The following MAGI2 variants were observed in gnomAD, a reference collection of about 807,000 sequenced individuals.
MAGI2 encodes the protein membrane-associated guanylate kinase, WW and PDZ domain-containing protein 2.
In MAGI2, 35 loss-of-function variants were observed where a neutral mutation model predicts 133.3. The observed-to-expected ratio is 0.26, with a 90% confidence interval of 0.20 to 0.35. MAGI2 has a LOEUF of 0.35. Among genes scored for constraint, MAGI2 ranks in the 10% least tolerant of loss-of-function variants. The pLI is 1.00. For synonymous variants in MAGI2, 729 were observed against 710.6 expected (o/e 1.03, Z -0.41); for missense variants, 1,636 against 1,863.4 (o/e 0.88, Z 2.25).
intron 1 of MAGI2, among the ~76,000 whole-genome samples, chr7:79,279,009 G>C (rs944271293): frequency 1.3e-5 from 2 of 151,962 alleles, no homozygotes; most frequent in Non-Finnish European, 2.9e-5. Context: ...TTAATGGCAG[G>C]GCACTAGCAA....
At chr7:78,779,473 G>C (rs994279518) in intron 2 of MAGI2, among the ~76,000 whole-genome samples, 2 of 152,198 alleles carry the variant, frequency 1.3e-5, no homozygotes, top group Admixed American at 6.5e-5. Context: ...AAGATGAAGA[G>C]AGAATAGAAA....
intron 1 of MAGI2, among the ~76,000 whole-genome samples, chr7:79,361,131 A>C (rs1468460485): frequency 6.6e-6 from 1 of 152,232 alleles, no homozygotes; most frequent in Non-Finnish European, 1.5e-5. Flanking sequence ...GGGCCACTGC[A>C]TAATAATTAA....
At chr7:78,931,997 GCA>G (rs1491304585) in intron 2 of MAGI2, among the ~76,000 whole-genome samples, 85 of 125,366 alleles carry the variant, frequency 6.8e-4, no homozygotes, top group African/African-American at 2.5e-3. Flanking sequence ...CAAAAGGAAG[GCA>G]AAAAAAAAAA....
chr7:78,445,063 C>T (rs550127006), intron 6 of MAGI2, among the ~76,000 whole-genome samples: 2 of 151,872 alleles, frequency 1.3e-5, no homozygotes, highest in South Asian at 2.1e-4. Context: ...TGGGTGGTTA[C>T]ATGTCTTCCC....
chr7:79,028,346 CACACACACAT>C (rs1459110511), intron 1 of MAGI2, among the ~76,000 whole-genome samples: 4 of 138,530 alleles, frequency 2.9e-5, no homozygotes, highest in Non-Finnish European at 6.2e-5. Flanking sequence ...TACACACACA[CACACACACAT>C]ACACACACAC....
chr7:78,945,441 G>A (rs1362954818), intron 2 of MAGI2, among the ~76,000 whole-genome samples: 3 of 152,094 alleles, frequency 2.0e-5, no homozygotes, highest in Admixed American at 6.6e-5. Context: ...TATACATTGT[G>A]GAATACTTAA....
At chr7:79,157,559 GA>G (rs71095381) in intron 1 of MAGI2, among the ~76,000 whole-genome samples, 100,532 of 138,342 alleles carry the variant, frequency 0.73, 36,894 homozygotes, top group Non-Finnish European at 0.83. Flanking sequence ...CTCCTTTTAA[GA>G]AAAAAAAAAA....
chr7:79,100,133 T>C (rs1484234047), intron 1 of MAGI2, among the ~76,000 whole-genome samples: 1 of 152,162 alleles, frequency 6.6e-6, no homozygotes, highest in Non-Finnish European at 1.5e-5. Context: ...TTAAACCCTT[T>C]TGTTATAAAT....
At chr7:79,021,202 G>T (rs1809294327) in intron 1 of MAGI2, among the ~76,000 whole-genome samples, 1 of 152,248 alleles carries the variant, frequency 6.6e-6, no homozygotes. Flanking sequence ...CCTTCATGAA[G>T]AACCTCTGCT....
At chr7:78,999,446 G>A (rs947758743) in intron 2 of MAGI2, among the ~76,000 whole-genome samples, 3 of 151,920 alleles carry the variant, frequency 2.0e-5, no homozygotes. Context: ...ATATTCTGTA[G>A]AGCACTCTGT....
At chr7:78,970,662 A>G (rs1803709105) in intron 2 of MAGI2, among the ~76,000 whole-genome samples, 1 of 152,094 alleles carries the variant, frequency 6.6e-6, no homozygotes, top group Non-Finnish European at 1.5e-5. Flanking sequence ...CTGGAGAGAG[A>G]GGTAACAAGA....
intron 10 of MAGI2, among the ~76,000 whole-genome samples, chr7:78,248,259 A>G (rs557635233): frequency 3.3e-5 from 5 of 152,306 alleles, no homozygotes; most frequent in African/African-American, 1.2e-4. Flanking sequence ...TGCTTAAGGG[A>G]GTTCTTCAAG....
At chr7:79,104,271 C>T (rs976626877) in intron 1 of MAGI2, among the ~76,000 whole-genome samples, 4 of 152,158 alleles carry the variant, frequency 2.6e-5, no homozygotes, top group Non-Finnish European at 5.9e-5. Context: ...ATTCTGGGGT[C>T]TGTGGCTAGA....
At chr7:78,469,673 G>A (rs1249344884) in intron 6 of MAGI2, among the ~76,000 whole-genome samples, 1 of 152,028 alleles carries the variant, frequency 6.6e-6, no homozygotes, top group Non-Finnish European at 1.5e-5. Flanking sequence ...AGTAGTGCAG[G>A]TCTGGAGCCT....
intron 2 of MAGI2, among the ~76,000 whole-genome samples, chr7:78,667,106 C>T (rs1355296770): frequency 6.6e-6 from 1 of 151,860 alleles, no homozygotes; most frequent in Non-Finnish European, 1.5e-5. Flanking sequence ...ATTCCAGGTG[C>T]CCTTTACTCA....
At chr7:79,125,044 A>T (rs921120346) in intron 1 of MAGI2, 5 of 221,000 alleles carry the variant, frequency 2.3e-5, no homozygotes, top group African/African-American at 1.2e-4. Context: ...CCCAACTGTG[A>T]AAAAGATATT....
intron 1 of MAGI2, among the ~76,000 whole-genome samples, chr7:79,015,968 A>G (rs1332541728): frequency 8.5e-6 from 1 of 117,252 alleles, no homozygotes; most frequent in Non-Finnish European, 1.6e-5. Flanking sequence ...AAAGGGAGTT[A>G]TTTCTAGCCC....
At chr7:78,523,384 CAGG>C (rs772346813) in intron 3 of MAGI2, among the ~76,000 whole-genome samples, 2 of 152,012 alleles carry the variant, frequency 1.3e-5, no homozygotes, top group African/African-American at 2.4e-5. Context: ...GAGTCTGAGG[CAGG>C]AGAATGGCGT....
At chr7:79,260,847 T>A (rs983350851) in intron 1 of MAGI2, among the ~76,000 whole-genome samples, 6 of 152,162 alleles carry the variant, frequency 3.9e-5, no homozygotes, top group Non-Finnish European at 8.8e-5. Context: ...TATGAAAAAG[T>A]CTAACATTTG....
Sources: allele counts gnomAD v4.1 joint callset (sites outside exome capture counted in the v4.1 genomes callset), GRCh38; gene constraint gnomAD v4.1.1; transcripts MANE v1.5; gene names NCBI Gene and HGNC (gene_info 2026-07-23, HGNC 2026-07-21).